Variants in MERTK observed in about 807,000 individuals in gnomAD.
MERTK encodes tyrosine-protein kinase Mer.
MERTK carries 69 observed loss-of-function variants against 99.3 expected under a neutral mutation model. That is an observed-to-expected ratio of 0.70 (90% CI 0.57 to 0.85). MERTK has a LOEUF of 0.85. MERTK is among the 40% of genes least tolerant of loss of function. MERTK has a pLI of 0.00. For synonymous variants in MERTK, 426 were observed against 467.6 expected (o/e 0.91, Z 1.15); for missense variants, 1,125 against 1,249.4 (o/e 0.90, Z 1.50).
At position 111,929,258 on chromosome 2, in the gene MERTK, C is replaced by G. The variant is rs777970779; in HGVS notation, c.200C>G (p.Pro67Arg). The G allele has an allele frequency of 4.3e-6, 7 of 1,614,072 alleles. No homozygotes were observed. The highest frequency in any genetic ancestry group is 3.4e-6 in the Non-Finnish European group (4 of 1,180,042). The change falls in exon 2 of 19, where the codon CCA (proline) becomes CGA (arginine). Residue 67 changes from proline (P) to arginine (R), a missense_variant. Coordinates refer to ENST00000295408, the MANE Select transcript of MERTK (RefSeq NM_006343.3). ...TACCAGCCTGCCTTGATGTTTTCACCAACCCAGCCTGGAAGACCACATACA... is the reference window on the plus strand; with the variant it reads ...TACCAGCCTGCCTTGATGTTTTCACGAACCCAGCCTGGAAGACCACATACA... ...SGYQPALMFSPTQPGRPHTGN... is the reference protein window; with the variant it reads ...SGYQPALMFSRTQPGRPHTGN...
intron 4 of MERTK, 138 bp downstream of exon 4, chr2:111,947,705 A>G: frequency 1.2e-5 from 12 of 1,016,294 alleles, no homozygotes; most frequent in Middle Eastern, 3.0e-4. Flanking sequence ...TTATGGGACC[A>G]GGTAGACGGG....
chr2:112,012,062 GCACAGATGCAGAACCT>G (rs1419952596), intron 15 of MERTK, among the ~76,000 whole-genome samples: 4 of 152,194 alleles, frequency 2.6e-5, no homozygotes, highest in Non-Finnish European at 4.4e-5. Context: ...TGGTGTCTGC[GCACAGATGCAGAACCT>G]CATGGTGGCA....
intron 8 of MERTK, among the ~76,000 whole-genome samples, chr2:111,990,472 C>T (rs1300589784): frequency 2.0e-5 from 3 of 152,182 alleles, no homozygotes; most frequent in African/African-American, 7.2e-5. Flanking sequence ...TGCTGGCCAT[C>T]ATCGAACGGT....
intron 13 of MERTK, among the ~76,000 whole-genome samples, chr2:112,005,383 T>C (rs528865721): frequency 4.6e-5 from 7 of 152,344 alleles, no homozygotes; most frequent in Admixed American, 3.3e-4. Context: ...AAAATCTATA[T>C]AGTTAAGGAA....
intron 13 of MERTK, 95 bp downstream of exon 13, chr2:112,004,079 A>C (rs1368218364): frequency 9.3e-7 from 1 of 1,071,222 alleles, no homozygotes; most frequent in Non-Finnish European, 1.4e-6. Context: ...CTCAGTTCCC[A>C]GTGGGCCAGA....
Position 112,021,434 on chromosome 2 carries a change from C to T in MERTK, c.2202C>T (p.Asp734=), listed in dbSNP as rs1323896467. 5 of 1,613,456 alleles carry T rather than the reference C, an allele frequency of 3.1e-6. No homozygotes were observed. In the Admixed American group the frequency reaches 5.0e-5, roughly 16 times the overall value. ...CTGCTCTCTGTAGGTTGCGAGATGA[C>T]ATGACTGTCTGTGTTGCGGACTTCG... ...LAARNCMLRD[D]MTVCVADFGL... Residue 734 remains aspartate (D), a synonymous_variant, in exon 17 of 19, where the codon GAC becomes GAT. Transcript: ENST00000295408.
intron 1 of MERTK, chr2:111,913,011 G>A (rs1684281439): frequency 1.0e-6 from 1 of 984,882 alleles, no homozygotes. Flanking sequence ...ACCCTTCACA[G>A]GATTAGAGAA....
chr2:111,928,676 G>A (rs962446624), intron 1 of MERTK, among the ~76,000 whole-genome samples: 2 of 152,218 alleles, frequency 1.3e-5, no homozygotes, highest in Admixed American at 1.3e-4. Context: ...AGTAGAGACA[G>A]GTTTTTGCCA....
At chr2:111,904,247 A>G (rs1442637932) in intron 1 of MERTK, among the ~76,000 whole-genome samples, 2 of 152,168 alleles carry the variant, frequency 1.3e-5, no homozygotes, top group Non-Finnish European at 2.9e-5. Context: ...AAGGTATAAA[A>G]ATGAAGTCCA....
At chr2:112,020,047 T>C (rs1395029401) in intron 16 of MERTK, among the ~76,000 whole-genome samples, 1 of 152,230 alleles carries the variant, frequency 6.6e-6, no homozygotes, top group Non-Finnish European at 1.5e-5. Context: ...TTGTCTGCTG[T>C]AAATCTTCAA....
chr2:111,973,000 G>A (rs184720698), intron 6 of MERTK, among the ~76,000 whole-genome samples: 4 of 152,268 alleles, frequency 2.6e-5, no homozygotes, highest in Admixed American at 2.0e-4. Flanking sequence ...CCATGCACTA[G>A]CAGGACACAC....
chr2:111,934,057 C>CT (rs1306273750), intron 2 of MERTK, among the ~76,000 whole-genome samples: 1 of 152,034 alleles, frequency 6.6e-6, no homozygotes. Flanking sequence ...TGAACTCATC[C>CT]TTTTTTATGG....
rs768725542 is a variant in MERTK, at chr2:111,929,118, A to T, written c.62-2A>T. The T allele has an allele frequency of 4.0e-5, 64 of 1,614,068 alleles. No individual in the cohort carries two copies. Among genetic ancestry groups the T allele is most frequent in the Non-Finnish European group, 1.7e-6 (2 of 1,180,030 alleles). On this transcript the variant is annotated splice_acceptor_variant, in intron 1 of 18. Transcript: ENST00000295408. LOFTEE classifies it high-confidence loss of function. Reference sequence around the variant, plus strand: ...CTAAAATTTGGATGTTCTGTTTTACAGCTATCACTGAGGCAAGGGAAGAAG... The same window carrying T: ...CTAAAATTTGGATGTTCTGTTTTACTGCTATCACTGAGGCAAGGGAAGAAG...
Position 112,029,402 on chromosome 2 carries a change from G to T in MERTK, c.*538G>T. The stretch of plus-strand genomic sequence containing the variant: ...GAACTTACTTGAGACTTGAAAGACA[G>T]TGGTCGGCAGCGGCCTTGTGGCCTT... On this transcript the variant is annotated 3_prime_UTR_variant, in exon 19 of 19. Coordinates refer to ENST00000295408, the MANE Select transcript of MERTK (RefSeq NM_006343.3). The T allele has an allele frequency of 2.2e-6, 2 of 904,744 alleles. No individual in the cohort carries two copies. The highest frequency in any genetic ancestry group is 5.1e-5 in the South Asian group (1 of 19,592). The allele number at this position is 904,744 out of a possible 1,614,324, so 56.0% of individuals were successfully genotyped here.
intron 8 of MERTK, among the ~76,000 whole-genome samples, chr2:111,993,465 A>G (rs1352187235): frequency 2.0e-5 from 3 of 152,172 alleles, no homozygotes; most frequent in African/African-American, 4.8e-5. Context: ...TGTCTCTGCA[A>G]TCAAATTTCC....
In MERTK at chr2:111,995,173, T is replaced by C. The variant is rs1040112725; in HGVS notation, c.1450+769T>C. The C allele has an allele frequency of 1.9e-5, 3 of 155,464 alleles. No individual in the cohort carries two copies. In the Admixed American group the frequency reaches 1.9e-4, roughly 10 times the overall value. 9.6% of individuals were successfully genotyped at this position (155,464 alleles called of 1,614,324 possible). On this transcript the variant is annotated intron_variant, in intron 9 of 18. Transcript: ENST00000295408. ...TTTGGTCTGCACGGAACATGAAATA[T>C]TTCCTATGGAAGCCATCCTCAGACT...
intron 9 of MERTK, chr2:111,994,659 G>C: frequency 4.2e-6 from 2 of 471,654 alleles, no homozygotes; most frequent in Admixed American, 5.2e-5. Flanking sequence ...CATGCCTGTT[G>C]TCCCAGCTAC....
intron 18 of MERTK, among the ~76,000 whole-genome samples, chr2:112,023,271 G>A (rs1215978483): frequency 1.3e-5 from 2 of 152,030 alleles, no homozygotes; most frequent in Non-Finnish European, 2.9e-5. Flanking sequence ...AAAATTAGCC[G>A]GGTGTGGTGG....
intron 1 of MERTK, among the ~76,000 whole-genome samples, chr2:111,911,433 G>C (rs572050133): frequency 6.6e-6 from 1 of 151,862 alleles, no homozygotes; most frequent in African/African-American, 2.4e-5. Flanking sequence ...CTGTTGCCCA[G>C]GCTGGAGTGC....
Sources: gnomAD v4.1 joint callset for allele counts (sites outside exome capture counted in the v4.1 genomes callset) on GRCh38, gnomAD v4.1.1 for gene constraint, MANE v1.5 for transcripts, NCBI Gene and HGNC (gene_info 2026-07-23, HGNC 2026-07-21) for gene names.